MMUT: variants seen among roughly 807,000 people sequenced by gnomAD.
MMUT encodes the protein methylmalonyl-CoA mutase, also known as methylmalonyl-CoA mutase, mitochondrial.
A neutral mutation model predicts 79.9 loss-of-function variants in MMUT; 79 were observed. That is an observed-to-expected ratio of 0.99 (90% confidence interval 0.82 to 1.19). MMUT has a LOEUF of 1.19. Among genes scored for constraint, MMUT ranks in the 50% most tolerant of loss-of-function variants. The pLI is 0.00. For missense variants in MMUT, 860 were observed against 917.2 expected, an observed-to-expected ratio of 0.94 and a Z score of 0.81; for synonymous variants, 273 against 295.7, an observed-to-expected ratio of 0.92 and a Z score of 0.79.
intron 8 of MMUT, 112 bp downstream of exon 8, chr6:49,447,558 C>T: frequency 3.0e-6 from 2 of 669,634 alleles, no homozygotes; most frequent in Non-Finnish European, 5.3e-6. Flanking sequence ...GAAATTAATA[C>T]ACACCTCATG....
chr6:49,453,059 T>G (rs6909141), intron 5 of MMUT, among the ~76,000 whole-genome samples: 51,352 of 138,972 alleles, frequency 0.37, 9,012 homozygotes, highest in African/African-American at 0.42. Flanking sequence ...TTTTTTTTTT[T>G]AGACGTAGTT....
At chr6:49,444,813 A>G in intron 8 of MMUT, 59 bp from the exon 9 acceptor site, 1 of 1,371,796 alleles carries the variant, frequency 7.3e-7, no homozygotes, top group Non-Finnish European at 1.0e-6. Context: ...AACAGAGATC[A>G]AGAGATTAGA....
At chr6:49,448,646 C>T (rs964798493) in intron 7 of MMUT, among the ~76,000 whole-genome samples, 170 bp downstream of exon 7, 1 of 152,038 alleles carries the variant, frequency 6.6e-6, no homozygotes, top group African/African-American at 2.4e-5. Flanking sequence ...CTGTGTGCAT[C>T]CATGTATGTG....
At chr6:49,455,965 T>A in intron 4 of MMUT, 115 bp downstream of exon 4, 2 of 944,488 alleles carry the variant, frequency 2.1e-6, no homozygotes, top group Non-Finnish European at 3.2e-6. Context: ...AGATAAAATA[T>A]AAGAAAATCT....
At chr6:49,456,275 A>C in intron 3 of MMUT, 38 bp from the exon 4 acceptor site, 2 of 1,415,406 alleles carry the variant, frequency 1.4e-6, no homozygotes, top group South Asian at 1.2e-5. Context: ...GAATAAGTAA[A>C]AATATTAAAA....
chr6:49,456,479 A>T (rs577975692), intron 3 of MMUT, among the ~76,000 whole-genome samples: 33 of 152,284 alleles, frequency 2.2e-4, no homozygotes, highest in African/African-American at 7.9e-4. Flanking sequence ...GGTGGACAAG[A>T]ATTTATACTA....
At chr6:49,450,291 T>C (rs755148836) in intron 6 of MMUT, among the ~76,000 whole-genome samples, 6 of 149,616 alleles carry the variant, frequency 4.0e-5, no homozygotes, top group South Asian at 4.2e-4. Flanking sequence ...AGGAGGTCCG[T>C]AGCTTATGAC....
chr6:49,451,419 C>T lies in MMUT; in HGVS notation c.1332+47G>A, dbSNP rs778668677. 4 of 1,595,212 alleles carry T rather than the reference C, an allele frequency of 2.5e-6. No individual in the cohort carries two copies. The East Asian group carries it at 6.8e-5, about 27-fold the overall frequency. On this transcript the variant is annotated intron_variant, in intron 6 of 12. Transcript: ENST00000274813. Reference sequence around the variant, plus strand: ...AAGTTTTAAAATCTATAAATCTTTACAAATCTGTAAATTCTGAAAACAAAG... The same window carrying T: ...AAGTTTTAAAATCTATAAATCTTTATAAATCTGTAAATTCTGAAAACAAAG...
At chr6:49,455,559 T>C (rs955807307) in intron 4 of MMUT, among the ~76,000 whole-genome samples, 2 of 152,216 alleles carry the variant, frequency 1.3e-5, no homozygotes, top group Admixed American at 1.3e-4. Flanking sequence ...TAGCAAGTGA[T>C]TGCTGTACTG....
At position 49,459,211 on chromosome 6, in the gene MMUT, G is replaced by T. The variant is rs772660572; in HGVS notation, c.256C>A (p.Pro86Thr). The T allele has an allele frequency of 6.2e-7, 1 of 1,614,172 alleles. No individual in the cohort carries two copies. Among genetic ancestry groups the T allele is most frequent in the Admixed American group, 1.7e-5 (1 of 60,016 alleles). Residue 86 changes from proline to threonine, a missense_variant, in exon 2 of 13, where the codon CCA becomes ACA. By Grantham distance (38) the Pro-to-Thr change is conservative. Transcript: ENST00000274813. Reference sequence around the variant, plus strand: ...CCACGTGTGAATGGCTTCACTCCTGGAAGTTCTTCAGGTAAGTCCATAGTA... The same window carrying T: ...CCACGTGTGAATGGCTTCACTCCTGTAAGTTCTTCAGGTAAGTCCATAGTA... ...RDTMDLPEELPGVKPFTRGPY... is the reference protein window; with the variant it reads ...RDTMDLPEELTGVKPFTRGPY...
At chr6:49,443,767 A>G (rs1767339292) in intron 9 of MMUT, 1 of 442,572 alleles carries the variant, frequency 2.3e-6, no homozygotes, top group Non-Finnish European at 4.6e-6. Flanking sequence ...TTAGGTAGTA[A>G]GTACAAAAAA....
intron 9 of MMUT, among the ~76,000 whole-genome samples, chr6:49,442,243 T>C (rs1333855689): frequency 6.6e-6 from 1 of 152,068 alleles, no homozygotes; most frequent in East Asian, 1.9e-4. Context: ...TATAGACAAG[T>C]ACCTGAAGGT....
At chr6:49,451,003 T>C (rs1359063316) in intron 6 of MMUT, among the ~76,000 whole-genome samples, 3 of 152,134 alleles carry the variant, frequency 2.0e-5, no homozygotes, top group Non-Finnish European at 4.4e-5. Context: ...TCAGCCAAAA[T>C]CTAAACTACC....
intron 1 of MMUT, among the ~76,000 whole-genome samples, chr6:49,460,191 T>C (rs1290290715): frequency 6.6e-6 from 1 of 152,242 alleles, no homozygotes; most frequent in African/African-American, 2.4e-5. Context: ...AGCGTTTCTA[T>C]GTGCCAGTAA....
chr6:49,457,350 T>G (rs1767714607), intron 3 of MMUT, among the ~76,000 whole-genome samples: 1 of 152,210 alleles, frequency 6.6e-6, no homozygotes, highest in Admixed American at 6.5e-5. Context: ...GAAATAAAGC[T>G]GATATTCCAA....
intron 6 of MMUT, among the ~76,000 whole-genome samples, chr6:49,451,090 T>C (rs971536129): frequency 4.6e-5 from 7 of 152,088 alleles, no homozygotes; most frequent in Admixed American, 1.3e-4. Flanking sequence ...AGAAATAGTA[T>C]ACATGTGATT....
chr6:49,441,459 A>T (rs1007956589), intron 10 of MMUT, among the ~76,000 whole-genome samples: 8 of 151,928 alleles, frequency 5.3e-5, no homozygotes, highest in East Asian at 3.9e-4. Context: ...TGTTAGTTAA[A>T]CATCTGTTTG....
intron 12 of MMUT, among the ~76,000 whole-genome samples, chr6:49,434,717 A>G (rs2127413122): frequency 6.6e-6 from 1 of 152,296 alleles, no homozygotes; most frequent in Non-Finnish European, 1.5e-5. Context: ...CCTCATTAAT[A>G]AATTAACTGA....
intron 12 of MMUT, among the ~76,000 whole-genome samples, chr6:49,435,173 T>A (rs2127413233): frequency 6.6e-6 from 1 of 152,388 alleles, no homozygotes; most frequent in East Asian, 1.9e-4. Context: ...TAACTGTTTA[T>A]TGAGAATGAA....
Sources: allele counts gnomAD v4.1 joint callset (sites outside exome capture counted in the v4.1 genomes callset), GRCh38; gene constraint gnomAD v4.1.1; transcripts MANE v1.5; gene names NCBI Gene and HGNC (gene_info 2026-07-23, HGNC 2026-07-21).